Variants in ACTR3 observed in about 807,000 individuals in gnomAD.
The protein encoded by ACTR3 is actin-related protein 3.
Under a neutral mutation model 56.8 loss-of-function variants are expected in ACTR3, and 12 were observed. The ratio of observed to expected loss-of-function variants is 0.21; its 90% confidence interval spans 0.14 to 0.34. The LOEUF (loss-of-function observed/expected upper bound fraction) is 0.34. Among genes scored for constraint, ACTR3 ranks in the 10% least tolerant of loss-of-function variants. The pLI is 1.00. For synonymous variants in ACTR3, 162 were observed against 167.4 expected, an observed-to-expected ratio of 0.97 and a Z score of 0.25; for missense variants, 282 against 512.5, an observed-to-expected ratio of 0.55 and a Z score of 4.34.
chr2:113,957,460 G>T lies in ACTR3; in HGVS notation c.*5G>T, dbSNP rs746185594. 3.4e-5 allele frequency: 54 copies of T among 1,610,410 alleles called. No individual in the cohort carries two copies. The highest frequency in any genetic ancestry group is 4.2e-5 in the Non-Finnish European group (50 of 1,177,214). On this transcript the variant is annotated 3_prime_UTR_variant, in exon 12 of 12. Coordinates refer to ENST00000263238, the MANE Select transcript of ACTR3 (RefSeq NM_005721.5). ...GTGTTTGGAGTCATGTCGTAAAATT[G>T]GCTTCATAGTTATTGGGGTTAGGGA...
chr2:113,938,180 TC>T (rs1679861953), intron 6 of ACTR3, among the ~76,000 whole-genome samples: 1 of 152,184 alleles, frequency 6.6e-6, no homozygotes, highest in African/African-American at 2.4e-5. Context: ...ATTTTTTTCT[TC>T]AGAAGTTCCA....
intron 3 of ACTR3, among the ~76,000 whole-genome samples, chr2:113,921,535 A>C (rs528367862): frequency 1.3e-5 from 2 of 152,120 alleles, no homozygotes; most frequent in South Asian, 4.1e-4. Flanking sequence ...TATTTGTAAA[A>C]TCTTTTCCCG....
intron 1 of ACTR3, among the ~76,000 whole-genome samples, chr2:113,897,518 ATTTTT>A (rs58363370): frequency 0.037 from 3,689 of 98,938 alleles, 246 homozygotes; most frequent in East Asian, 0.29. Context: ...GCCAGATGTT[ATTTTT>A]TTTTTTTTTT....
chr2:113,901,844 T>C (rs991855724), intron 1 of ACTR3, among the ~76,000 whole-genome samples: 1 of 152,206 alleles, frequency 6.6e-6, no homozygotes, highest in Admixed American at 6.5e-5. Flanking sequence ...CACCACTATA[T>C]TAGCCCCTAG....
rs560926294 is a variant in ACTR3 at position 113,893,244 on chromosome 2, G to A, written c.44+2921G>A. ...TCCTAAGGTTTTTTTTTTTCTGGGC[G>A]GTGGAAGGGATCGTTTTTTAAATGT... On this transcript the variant is annotated intron_variant, in intron 1 of 11. Transcript: ENST00000263238. 4.6e-5 allele frequency among the ~76,000 whole-genome samples: 7 copies of A among 150,568 alleles called. No homozygotes were observed. In the Middle Eastern group the frequency reaches 0.017, roughly 371 times the overall value.
chr2:113,945,570 A>G (rs1680006324), intron 8 of ACTR3, among the ~76,000 whole-genome samples: 1 of 152,212 alleles, frequency 6.6e-6, no homozygotes, highest in Non-Finnish European at 1.5e-5. Flanking sequence ...TGAGGCAAGT[A>G]GTGTAATGTG....
intron 1 of ACTR3, among the ~76,000 whole-genome samples, chr2:113,899,515 AAT>A (rs1303224615): frequency 6.6e-6 from 1 of 152,246 alleles, no homozygotes; most frequent in Non-Finnish European, 1.5e-5. Context: ...AGATGAAACT[AAT>A]ATGTGTGAAA....
At chr2:113,914,847 A>G (rs750098150) in intron 2 of ACTR3, among the ~76,000 whole-genome samples, 17 of 152,148 alleles carry the variant, frequency 1.1e-4, no homozygotes, top group Non-Finnish European at 2.5e-4. Flanking sequence ...ATTTTAGTTG[A>G]TATTGATGAA....
chr2:113,949,223 C>A (rs1244631694), intron 8 of ACTR3, among the ~76,000 whole-genome samples: 3 of 150,152 alleles, frequency 2.0e-5, no homozygotes, highest in Non-Finnish European at 4.4e-5. Context: ...ACTAAAAACA[C>A]AAAAATTAGC....
intron 8 of ACTR3, among the ~76,000 whole-genome samples, chr2:113,949,427 A>G (rs1680082030): frequency 1.3e-5 from 2 of 151,860 alleles, no homozygotes; most frequent in African/African-American, 2.4e-5. Context: ...CACATGCCTA[A>G]TAATTATCAA....
chr2:113,914,496 A>G (rs898881957), intron 2 of ACTR3, among the ~76,000 whole-genome samples: 1 of 151,918 alleles, frequency 6.6e-6, no homozygotes, highest in African/African-American at 2.4e-5. Flanking sequence ...CTGTAGTCCC[A>G]GCTGCTCAGG....
At chr2:113,939,481 G>A (rs1161251174) in intron 6 of ACTR3, among the ~76,000 whole-genome samples, 1 of 152,100 alleles carries the variant, frequency 6.6e-6, no homozygotes, top group East Asian at 1.9e-4. Context: ...TGACACATCA[G>A]TAAATTTGTG....
intron 1 of ACTR3, among the ~76,000 whole-genome samples, chr2:113,910,201 A>G (rs543207553): frequency 2.6e-5 from 4 of 152,182 alleles, no homozygotes; most frequent in Non-Finnish European, 4.4e-5. Flanking sequence ...CCAGTGGCCA[A>G]TGGTTTAATC....
In ACTR3 at chr2:113,942,405, A is replaced by G. The variant is rs1253690531; in HGVS notation, c.858+46A>G. The G allele has an allele frequency of 3.1e-6, 4 of 1,310,908 alleles. No individual in the cohort carries two copies. In the South Asian group the frequency reaches 5.2e-5, roughly 17 times the overall value. 81.2% of individuals were successfully genotyped at this position (1,310,908 alleles called of 1,614,324 possible). A position where few individuals can be genotyped will look rare whatever the true frequency, so the allele number is the denominator to read the frequency against. On this transcript the variant is annotated intron_variant, in intron 8 of 11. Transcript: ENST00000263238. ...TGTTTAAAAGTATTCAGCAGCAAAT[A>G]TGAATTAATAGATATTCAGAGAGAA...
At position 113,961,505 on chromosome 2, in the gene ACTR3, A is replaced by G. The variant is rs1324843628; in HGVS notation, c.*4050A>G. 1.3e-5 allele frequency: 2 copies of G among 151,998 alleles called. No homozygotes were observed. The highest frequency in any genetic ancestry group is 3.8e-4 in the East Asian group (2 of 5,198). The allele number at this position is 151,998 out of a possible 1,614,324, so 9.4% of individuals were successfully genotyped here. A position where few individuals can be genotyped will look rare whatever the true frequency, so the allele number is the denominator to read the frequency against. On this transcript the variant is annotated 3_prime_UTR_variant, in exon 12 of 12. Transcript: ENST00000263238. ...TTACTTGTTTTCTAGTGTTCTGTCA[A>G]TTTTTGGTGACTTTTATAATTACAT...
intron 10 of ACTR3, 160 bp from the exon 11 acceptor site, chr2:113,955,463 C>CT: frequency 1.8e-6 from 1 of 559,092 alleles, no homozygotes; most frequent in Non-Finnish European, 3.1e-6. Context: ...TTCCCAACCC[C>CT]TTTCCTCTGA....
rs761005889 is a variant in ACTR3 at position 113,910,335 on chromosome 2, C to T, written c.45-2837C>T. Among the ~76,000 whole-genome samples the T allele has an allele frequency of 8.5e-4, 130 of 152,292 alleles. 1 individual carries two copies. The highest frequency in any genetic ancestry group is 6.8e-3 in the Middle Eastern group (2 of 294). ...CGCTCGAGAGGGTGTGGAACGTCTA[C>T]GTCTCTTCCTACACACCTCACCCTG... On this transcript the variant is annotated intron_variant, in intron 1 of 11. Transcript: ENST00000263238.
chr2:113,893,502 C>G (rs1678946600), intron 1 of ACTR3, among the ~76,000 whole-genome samples: 1 of 152,122 alleles, frequency 6.6e-6, no homozygotes, highest in South Asian at 2.1e-4. Flanking sequence ...CCATGTTGAC[C>G]AGGATGGTCT....
chr2:113,934,860 G>GATACA (rs1246875480), intron 6 of ACTR3, among the ~76,000 whole-genome samples: 1 of 152,126 alleles, frequency 6.6e-6, no homozygotes, highest in Non-Finnish European at 1.5e-5. Flanking sequence ...CAAGGCCGTT[G>GATACA]TGCTTCAGTT....
Sources: gnomAD v4.1 joint callset for allele counts (sites outside exome capture counted in the v4.1 genomes callset) on GRCh38, gnomAD v4.1.1 for gene constraint, MANE v1.5 for transcripts, NCBI Gene and HGNC (gene_info 2026-07-23, HGNC 2026-07-21) for gene names.